CFAP70: variants seen among roughly 807,000 people sequenced by gnomAD.
The protein encoded by CFAP70 is cilia and flagella associated protein 70.
Under a neutral mutation model 137.6 loss-of-function variants are expected in CFAP70, and 81 were observed. That is an observed-to-expected ratio of 0.59 (90% CI 0.49 to 0.71). The LOEUF is 0.71. Among genes scored for constraint, CFAP70 ranks in the 30% least tolerant of loss-of-function variants. The pLI, the probability that CFAP70 is intolerant of heterozygous loss-of-function variation, is 0.00. For synonymous variants in CFAP70, 382 were observed against 423.6 expected (o/e 0.90, Z 1.20); for missense variants, 976 against 1,226.7 (o/e 0.80, Z 3.05).
At chr10:73,286,210 C>T (rs1256445151) in intron 19 of CFAP70, among the ~76,000 whole-genome samples, 12 of 152,122 alleles carry the variant, frequency 7.9e-5, no homozygotes, top group Middle Eastern at 3.4e-3. Context: ...TTTGGGAGGC[C>T]GAGGCGGGCG....
intron 9 of CFAP70, among the ~76,000 whole-genome samples, chr10:73,316,093 G>GT (rs1279614815): frequency 6.6e-6 from 1 of 151,996 alleles, no homozygotes; most frequent in East Asian, 1.9e-4. Context: ...TCAGTAATAT[G>GT]TATTTCTAGT....
chr10:73,256,242 A>G, intron 26 of CFAP70, 127 bp downstream of exon 27: 2 of 1,056,210 alleles, frequency 1.9e-6, no homozygotes, highest in Non-Finnish European at 2.8e-6. Flanking sequence ...GATAATGGCA[A>G]AGATGGTAAG....
intron 12 of CFAP70, among the ~76,000 whole-genome samples, chr10:73,309,641 A>G (rs181024012): frequency 2.7e-5 from 4 of 149,476 alleles, no homozygotes; most frequent in African/African-American, 5.0e-5. Context: ...TTTCTTGTTC[A>G]TCCGTATTTC....
intron 6 of CFAP70, among the ~76,000 whole-genome samples, chr10:73,340,151 G>A (rs540883913): frequency 2.8e-4 from 43 of 152,298 alleles, no homozygotes; most frequent in African/African-American, 1.0e-3. Context: ...CAGAAGAGAG[G>A]AGACCCACAG....
chr10:73,296,732 G>A, intron 15 of CFAP70: 1 of 183,478 alleles, frequency 5.5e-6, no homozygotes, highest in Non-Finnish European at 1.1e-5. Context: ...AGAATAAATA[G>A]AATGATAATT....
intron 9 of CFAP70, among the ~76,000 whole-genome samples, chr10:73,315,317 T>C (rs1387271890): frequency 6.6e-6 from 1 of 152,136 alleles, no homozygotes; most frequent in African/African-American, 2.4e-5. Flanking sequence ...TTTACATCAT[T>C]AGTAGTTAAT....
At chr10:73,335,248 A>G (rs2052533782) in intron 7 of CFAP70, among the ~76,000 whole-genome samples, 182 bp downstream of exon 8, 1 of 151,854 alleles carries the variant, frequency 6.6e-6, no homozygotes, top group Admixed American at 6.6e-5. Context: ...AACCACCATC[A>G]CTAGCTGTTT....
At chr10:73,291,102 ACTC>A (rs1365950582) in intron 19 of CFAP70, 121 bp downstream of exon 20, 3 of 767,532 alleles carry the variant, frequency 3.9e-6, no homozygotes, top group Non-Finnish European at 6.5e-6. Flanking sequence ...GCAACCTTGA[ACTC>A]CTGGGCTCAA....
chr10:73,300,989 G>C (rs2048906336), intron 12 of CFAP70, among the ~76,000 whole-genome samples: 1 of 152,174 alleles, frequency 6.6e-6, no homozygotes, highest in African/African-American at 2.4e-5. Context: ...CATTCTAGTA[G>C]GGAAAGAAAG....
At position 73,320,295 on chromosome 10, in the gene CFAP70, T is replaced by A. The variant is rs975900362; in HGVS notation, c.912+2668A>T. Among the ~76,000 whole-genome samples the A allele has an allele frequency of 1.4e-4, 21 of 152,268 alleles. No individual in the cohort carries two copies. In the East Asian group the frequency reaches 4.0e-3, roughly 29 times the overall value. ...AATTTATTTTGATCTATATTATATG[T>A]AACATTTGCATTCTTTTCTCTCATT... On this transcript the variant is annotated intron_variant, in intron 9 of 26. Transcript: ENST00000310715.
chr10:73,270,802 C>T (rs1340792201), intron 24 of CFAP70, among the ~76,000 whole-genome samples: 1 of 151,386 alleles, frequency 6.6e-6, no homozygotes, highest in Non-Finnish European at 1.5e-5. Flanking sequence ...TCCCAAAGTG[C>T]TGGGATTACA....
intron 16 of CFAP70, among the ~76,000 whole-genome samples, chr10:73,292,318 T>C (rs16930505): frequency 0.071 from 10,845 of 152,238 alleles, 627 homozygotes; most frequent in East Asian, 0.3. Flanking sequence ...TTGTATTGTA[T>C]ATCAACCATA....
chr10:73,355,613 T>C (rs1489856570), intron 1 of CFAP70, among the ~76,000 whole-genome samples: 1 of 152,044 alleles, frequency 6.6e-6, no homozygotes, highest in Admixed American at 6.6e-5. Flanking sequence ...CCATCTCTAC[T>C]AAAAAATTCA....
chr10:73,270,712 T>C (rs948694760), intron 24 of CFAP70, among the ~76,000 whole-genome samples: 1 of 150,954 alleles, frequency 6.6e-6, no homozygotes, highest in Non-Finnish European at 1.5e-5. Context: ...ATTTTTGTAT[T>C]TTTAGTACAG....
intron 12 of CFAP70, among the ~76,000 whole-genome samples, chr10:73,303,829 T>G (rs962828548): frequency 7.2e-5 from 11 of 152,188 alleles, no homozygotes; most frequent in Admixed American, 7.2e-4. Context: ...AAATGAGAAA[T>G]CTGTTTTAGA....
At chr10:73,308,821 A>C (rs1357165012) in intron 12 of CFAP70, among the ~76,000 whole-genome samples, 3 of 151,428 alleles carry the variant, frequency 2.0e-5, no homozygotes, top group Non-Finnish European at 4.4e-5. Context: ...AAAAAAAAAA[A>C]AAAACCTTTA....
intron 9 of CFAP70, among the ~76,000 whole-genome samples, chr10:73,320,317 CATT>C (rs1451992954): frequency 6.6e-6 from 1 of 151,924 alleles, no homozygotes; most frequent in African/African-American, 2.4e-5. Flanking sequence ...TCTTTTCTCT[CATT>C]TTTTTTATTT....
chr10:73,265,863 T>G (rs2133646640), intron 25 of CFAP70, among the ~76,000 whole-genome samples: 1 of 149,716 alleles, frequency 6.7e-6, no homozygotes, highest in South Asian at 2.1e-4. Context: ...TCTTTCATAC[T>G]GTCATAGCTA....
chr10:73,339,018 A>C (rs2052986324), intron 6 of CFAP70, among the ~76,000 whole-genome samples: 1 of 151,598 alleles, frequency 6.6e-6, no homozygotes, highest in Admixed American at 6.6e-5. Context: ...CTCCAGGTTC[A>C]AGTGATTCTT....
Sources: allele counts gnomAD v4.1 joint callset (sites outside exome capture counted in the v4.1 genomes callset), GRCh38; gene constraint gnomAD v4.1.1; transcripts MANE v1.5; gene names NCBI Gene and HGNC (gene_info 2026-07-23, HGNC 2026-07-21).